CNTLN: variants seen among roughly 807,000 people sequenced by gnomAD.
The protein encoded by CNTLN is centlein.
Under a neutral mutation model 180.0 loss-of-function variants are expected in CNTLN, and 212 were observed. That is an observed-to-expected ratio of 1.18 (90% CI 1.05 to 1.32). CNTLN has a LOEUF of 1.32. Among genes scored for constraint, CNTLN ranks in the 40% most tolerant of loss-of-function variants. The pLI, the probability that CNTLN is intolerant of heterozygous loss-of-function variation, is 0.00. For synonymous variants in CNTLN, 722 were observed against 563.1 expected, an observed-to-expected ratio of 1.28 and a Z score of -3.99; for missense variants, 2,095 against 1,610.9, an observed-to-expected ratio of 1.30 and a Z score of -5.14.
chr9:17,293,008 C>T (rs1829515950), intron 6 of CNTLN, among the ~76,000 whole-genome samples: 1 of 152,190 alleles, frequency 6.6e-6, no homozygotes, highest in Non-Finnish European at 1.5e-5. Flanking sequence ...TTTCTTTTGA[C>T]ATTCAGGCCC....
intron 12 of CNTLN, among the ~76,000 whole-genome samples, chr9:17,359,619 C>A (rs967968023): frequency 6.7e-6 from 1 of 150,258 alleles, no homozygotes; most frequent in African/African-American, 2.4e-5. Flanking sequence ...CGGTGGCTCA[C>A]GCCTGTAATC....
intron 15 of CNTLN, among the ~76,000 whole-genome samples, chr9:17,404,928 G>A (rs1201801444): frequency 1.3e-5 from 2 of 151,542 alleles, no homozygotes; most frequent in African/African-American, 2.4e-5. Flanking sequence ...AGTAGAAATG[G>A]GGTTTCACCA....
intron 5 of CNTLN, among the ~76,000 whole-genome samples, chr9:17,271,367 T>TTG (rs1349376242): frequency 6.6e-6 from 1 of 152,140 alleles, no homozygotes; most frequent in Non-Finnish European, 1.5e-5. Context: ...AGGGCTAGCT[T>TTG]TAGGACCACC....
intron 6 of CNTLN, among the ~76,000 whole-genome samples, chr9:17,295,438 C>G (rs536561610): frequency 6.6e-6 from 1 of 152,138 alleles, no homozygotes; most frequent in East Asian, 1.9e-4. Context: ...GGTAGGAGCT[C>G]GCATTACTCT....
At chr9:17,273,292 T>C (rs1484079357) in intron 5 of CNTLN, among the ~76,000 whole-genome samples, 17 of 152,124 alleles carry the variant, frequency 1.1e-4, no homozygotes, top group Admixed American at 9.8e-4. Flanking sequence ...TGAAAAACTT[T>C]TTTGATGTCT....
the CNTLN span, among the ~76,000 whole-genome samples, chr9:17,517,870 G>C: frequency 6.6e-6 from 1 of 152,004 alleles, no homozygotes; most frequent in African/African-American, 2.4e-5. Context: ...AGCATGATCA[G>C]TTACCTCATC....
At chr9:17,430,381 G>A (rs1440805017) in intron 18 of CNTLN, among the ~76,000 whole-genome samples, 1 of 151,786 alleles carries the variant, frequency 6.6e-6, no homozygotes, top group African/African-American at 2.4e-5. Context: ...AAACTCTCTA[G>A]TATTCTGTCA....
intron 8 of CNTLN, among the ~76,000 whole-genome samples, chr9:17,312,376 A>AT: frequency 7.5e-5 from 6 of 80,160 alleles, no homozygotes; most frequent in African/African-American, 2.7e-4. Flanking sequence ...ATATATATAT[A>AT]TATATATAAT....
chr9:17,437,063 A>G (rs530427246), intron 18 of CNTLN, among the ~76,000 whole-genome samples: 15 of 152,188 alleles, frequency 9.9e-5, no homozygotes, highest in Non-Finnish European at 2.2e-4. Flanking sequence ...TCTCTCTCCT[A>G]GCAGAGTGTA....
intron 5 of CNTLN, among the ~76,000 whole-genome samples, chr9:17,266,581 C>G (rs1295107818): frequency 2.0e-5 from 3 of 152,026 alleles, no homozygotes; most frequent in Non-Finnish European, 4.4e-5. Flanking sequence ...GAGTTCAATT[C>G]CTGGGTATCC....
chr9:17,518,000 C>A, the CNTLN span, among the ~76,000 whole-genome samples: 13 of 150,982 alleles, frequency 8.6e-5, no homozygotes, highest in Non-Finnish European at 1.9e-4. Flanking sequence ...CACCTCCTAC[C>A]CCCACCTCCA....
chr9:17,445,976 G>A (rs958557797), intron 18 of CNTLN, among the ~76,000 whole-genome samples: 3 of 152,204 alleles, frequency 2.0e-5, no homozygotes, highest in African/African-American at 7.2e-5. Context: ...CAGCAATACT[G>A]CTTTGTAAAG....
At chr9:17,241,533 A>C (rs373652841) in intron 5 of CNTLN, among the ~76,000 whole-genome samples, 13 of 151,984 alleles carry the variant, frequency 8.6e-5, no homozygotes, top group African/African-American at 2.7e-4. Context: ...AGCTTTGGCT[A>C]CTCTGGGTCT....
chr9:17,423,461 TCTC>T (rs984975672), intron 18 of CNTLN, among the ~76,000 whole-genome samples: 15 of 151,922 alleles, frequency 9.9e-5, no homozygotes, highest in African/African-American at 3.6e-4. Context: ...TACTCTTCCT[TCTC>T]CTTTCTGCAA....
rs1820583180 is a variant in CNTLN at position 17,330,643 on chromosome 9, C to T, written c.1353C>T (p.Arg451=). The T allele has an allele frequency of 6.3e-7, 1 of 1,587,416 alleles. No individual in the cohort carries two copies. Among genetic ancestry groups the T allele is most frequent in the Non-Finnish European group, 8.6e-7 (1 of 1,166,986 alleles). The stretch of plus-strand genomic sequence containing the variant: ...ACTTTTTAAAATAGGTACCTCATCG[C>T]CCATCCTTATCAAGCTTAGAAACGT... ...DPDYSAQVPH[R]PSLSSLETLM... Residue 451 remains arginine, a synonymous_variant, in exon 9 of 26, where the codon CGC becomes CGT. Coordinates refer to ENST00000380647, the MANE Select transcript of CNTLN (RefSeq NM_017738.4).
intron 2 of CNTLN, among the ~76,000 whole-genome samples, chr9:17,161,310 C>T (rs1819662600): frequency 1.3e-5 from 2 of 152,058 alleles, no homozygotes; most frequent in South Asian, 2.1e-4. Flanking sequence ...GGAAAAAGGA[C>T]ATTTTGAATA....
chr9:17,425,965 T>C (rs1240221269), intron 18 of CNTLN, among the ~76,000 whole-genome samples: 1 of 152,162 alleles, frequency 6.6e-6, no homozygotes. Flanking sequence ...AGCCTACTGA[T>C]AGTGCAAATA....
intron 3 of CNTLN, among the ~76,000 whole-genome samples, chr9:17,230,237 C>T (rs927350361): frequency 6.6e-6 from 1 of 152,150 alleles, no homozygotes; most frequent in African/African-American, 2.4e-5. Flanking sequence ...GGCTACTATA[C>T]AAAAATATAC....
At position 17,241,917 on chromosome 9, in the gene CNTLN, G is replaced by A. The variant is rs557017056; in HGVS notation, c.849+5329G>A. Among the ~76,000 whole-genome samples, 55 of 152,144 alleles carry A rather than the reference G, an allele frequency of 3.6e-4. 2 individuals are homozygous for A. In the South Asian group the frequency reaches 0.01, roughly 29 times the overall value. ...TAATTTTGTATCCTGCAACTTTACCGAATTTATTTATTCATTCTAATAGGT... is the reference window on the plus strand; with the variant it reads ...TAATTTTGTATCCTGCAACTTTACCAAATTTATTTATTCATTCTAATAGGT... On this transcript the variant is annotated intron_variant, in intron 5 of 25. Coordinates refer to ENST00000380647, the MANE Select transcript of CNTLN (RefSeq NM_017738.4).
Sources: gnomAD v4.1 joint callset for allele counts (sites outside exome capture counted in the v4.1 genomes callset) on GRCh38, gnomAD v4.1.1 for gene constraint, MANE v1.5 for transcripts, NCBI Gene and HGNC (gene_info 2026-07-23, HGNC 2026-07-21) for gene names.